Variants in LINGO2 observed in about 807,000 individuals in gnomAD.
LINGO2 encodes leucine rich repeat and Ig domain containing 2, also known as leucine-rich repeat and immunoglobulin-like domain-containing nogo receptor-interacting protein 2.
LINGO2 carries 14 observed loss-of-function variants against 30.6 expected under a neutral mutation model. The ratio of observed to expected loss-of-function variants is 0.46; its 90% confidence interval spans 0.30 to 0.72. The LOEUF is 0.72. Among genes scored for constraint, LINGO2 ranks in the 30% least tolerant of loss-of-function variants. The pLI, the probability that LINGO2 is intolerant of heterozygous loss-of-function variation, is 0.07. For synonymous variants in LINGO2, 317 were observed against 288.5 expected (o/e 1.10, Z -1.00); for missense variants, 729 against 751.7 (o/e 0.97, Z 0.35).
intron 2 of LINGO2, among the ~76,000 whole-genome samples, chr9:28,447,191 T>G (rs1323413660): frequency 6.6e-6 from 1 of 152,202 alleles, no homozygotes; most frequent in Non-Finnish European, 1.5e-5. Flanking sequence ...TAATTGCAAC[T>G]GTTAGGTCTG....
At chr9:28,089,812 C>T (rs528429045) in intron 4 of LINGO2, among the ~76,000 whole-genome samples, 55 of 152,170 alleles carry the variant, frequency 3.6e-4, no homozygotes, top group African/African-American at 1.3e-3. Context: ...AATTGATAGA[C>T]TGCTAACAGA....
At chr9:28,899,253 T>C in the LINGO2 span, among the ~76,000 whole-genome samples, 2 of 152,136 alleles carry the variant, frequency 1.3e-5, no homozygotes, top group African/African-American at 4.8e-5. Context: ...GACAGAAAGG[T>C]TAAGTATCAG....
chr9:28,149,682 A>G (rs1827933812), intron 4 of LINGO2, among the ~76,000 whole-genome samples: 1 of 148,758 alleles, frequency 6.7e-6, no homozygotes, highest in Admixed American at 6.7e-5. Context: ...CACTCTGGGA[A>G]GTGAGGAACG....
intron 5 of LINGO2, among the ~76,000 whole-genome samples, chr9:27,976,195 A>G (rs1270062285): frequency 5.3e-5 from 8 of 152,168 alleles, no homozygotes; most frequent in Non-Finnish European, 1.2e-4. Flanking sequence ...AGTGTCTGCC[A>G]CTTACTAAGT....
the LINGO2 span, among the ~76,000 whole-genome samples, chr9:29,005,365 T>G: frequency 6.6e-6 from 1 of 151,616 alleles, no homozygotes; most frequent in Admixed American, 6.6e-5. Flanking sequence ...AGAAGATACA[T>G]AGATTAATAG....
the LINGO2 span, among the ~76,000 whole-genome samples, chr9:29,029,398 C>A: frequency 6.6e-6 from 1 of 152,094 alleles, no homozygotes; most frequent in African/African-American, 2.4e-5. Context: ...TATAGTTATG[C>A]TAATTATTCT....
chr9:28,358,636 T>A (rs139939737), intron 3 of LINGO2, among the ~76,000 whole-genome samples: 7 of 152,206 alleles, frequency 4.6e-5, no homozygotes, highest in South Asian at 2.1e-4. Context: ...AGGCAGAAAA[T>A]GGAACTTCTC....
At chr9:28,477,114 A>G (rs1270422372) in intron 1 of LINGO2, among the ~76,000 whole-genome samples, 2 of 152,200 alleles carry the variant, frequency 1.3e-5, no homozygotes, top group Non-Finnish European at 2.9e-5. Context: ...TAATGAGGAA[A>G]AAAATGCTTT....
chr9:28,008,613 C>T (rs1822390042), intron 5 of LINGO2, among the ~76,000 whole-genome samples: 1 of 151,858 alleles, frequency 6.6e-6, no homozygotes, highest in Non-Finnish European at 1.5e-5. Context: ...AATACAAGAT[C>T]AATATAAATA....
At chr9:28,295,070 G>A (rs1012930103) in intron 4 of LINGO2, 138 bp downstream of exon 6, 3 of 152,044 alleles carry the variant, frequency 2.0e-5, no homozygotes, top group African/African-American at 7.2e-5. Flanking sequence ...TAAATCCAAG[G>A]GAGCCCCATT....
At chr9:28,613,488 C>CACACAT (rs1826004527) in intron 1 of LINGO2, among the ~76,000 whole-genome samples, 1 of 151,662 alleles carries the variant, frequency 6.6e-6, no homozygotes. Flanking sequence ...TATGAAAACA[C>CACACAT]ACACACACAC....
At chr9:28,902,887 A>G in the LINGO2 span, among the ~76,000 whole-genome samples, 31 of 152,108 alleles carry the variant, frequency 2.0e-4, no homozygotes, top group African/African-American at 6.7e-4. Context: ...AGTTCTAAGT[A>G]GTAAGTTTAT....
chr9:28,007,649 T>C (rs914614021), intron 5 of LINGO2, among the ~76,000 whole-genome samples: 1 of 152,162 alleles, frequency 6.6e-6, no homozygotes, highest in Non-Finnish European at 1.5e-5. Context: ...TGGGATTCTA[T>C]CAGTTTTACA....
chr9:28,909,633 A>T, the LINGO2 span, among the ~76,000 whole-genome samples: 1 of 152,020 alleles, frequency 6.6e-6, no homozygotes, highest in Admixed American at 6.6e-5. Context: ...ATTCACAAAC[A>T]TATTGCATCT....
At chr9:28,667,236 C>G (rs1361925398) in intron 1 of LINGO2, among the ~76,000 whole-genome samples, 7 of 152,142 alleles carry the variant, frequency 4.6e-5, no homozygotes, top group Admixed American at 3.3e-4. Context: ...TTTTTTCTCA[C>G]TTTAACTAAA....
chr9:28,703,273 T>C, the LINGO2 span, among the ~76,000 whole-genome samples: 1 of 151,772 alleles, frequency 6.6e-6, no homozygotes, highest in Non-Finnish European at 1.5e-5. Context: ...TATTTCCCTG[T>C]AATCATTGTT....
the LINGO2 span, among the ~76,000 whole-genome samples, chr9:29,126,953 C>A: frequency 6.6e-6 from 1 of 152,034 alleles, no homozygotes; most frequent in African/African-American, 2.4e-5. Context: ...ATGGGAAATA[C>A]CTTTGATTGG....
intron 2 of LINGO2, among the ~76,000 whole-genome samples, chr9:28,436,212 A>G (rs1215055402): frequency 6.6e-6 from 1 of 152,138 alleles, no homozygotes; most frequent in Non-Finnish European, 1.5e-5. Flanking sequence ...CAAGACTTAA[A>G]TTTACTCTTT....
chr9:28,475,894 C>A (rs1191359420), intron 2 of LINGO2, 46 bp downstream of exon 4: 1 of 152,582 alleles, frequency 6.6e-6, no homozygotes, highest in Non-Finnish European at 1.5e-5. Flanking sequence ...GCATAAGACA[C>A]AGAATCGAAA....
Sources: allele counts gnomAD v4.1 joint callset (sites outside exome capture counted in the v4.1 genomes callset), GRCh38; gene constraint gnomAD v4.1.1; transcripts MANE v1.5; gene names NCBI Gene and HGNC (gene_info 2026-07-23, HGNC 2026-07-21).